PACRG: variants seen among roughly 807,000 people sequenced by gnomAD.
PACRG encodes the protein parkin coregulated, also known as parkin coregulated gene protein.
In PACRG, 29 loss-of-function variants were observed where a neutral mutation model predicts 29.7. The ratio of observed to expected loss-of-function variants is 0.98; its 90% confidence interval spans 0.73 to 1.33. The LOEUF (loss-of-function observed/expected upper bound fraction) is 1.33, where lower values mean the gene tolerates loss of function less well. PACRG is among the 40% of genes most tolerant of loss of function. The probability of loss-of-function intolerance (pLI) is 0.00; values close to 1 mark genes in which losing one functional copy is unlikely to be tolerated. For synonymous variants in PACRG, 116 were observed against 118.7 expected (o/e 0.98, Z 0.15); for missense variants, 279 against 316.2 (o/e 0.88, Z 0.89).
At position 162,876,297 on chromosome 6, in the gene PACRG, C is replaced by T. The variant is rs139215060; in HGVS notation, c.291+62016C>T. On this transcript the variant is annotated intron_variant, in intron 2 of 4. Coordinates refer to ENST00000366888, the MANE Select transcript of PACRG (RefSeq NM_001080379.2). ...AAGGGAGGCCAAGGCCACAAGATTC[C>T]ACTGGAAACCATCACTCTCTTCCTG... Among the ~76,000 whole-genome samples the T allele has an allele frequency of 2.9e-4, 44 of 152,334 alleles. 3 individuals carry two copies. In the South Asian group the frequency reaches 4.3e-3, roughly 15 times the overall value.
chr6:162,764,544 C>G (rs1782631679), intron 1 of PACRG, among the ~76,000 whole-genome samples: 1 of 151,898 alleles, frequency 6.6e-6, no homozygotes, highest in Admixed American at 6.6e-5. Flanking sequence ...CTTAAATTAC[C>G]CATGTCCATA....
chr6:162,866,504 G>A (rs79036214), intron 2 of PACRG, among the ~76,000 whole-genome samples: 1 of 152,098 alleles, frequency 6.6e-6, no homozygotes, highest in Non-Finnish European at 1.5e-5. Flanking sequence ...GAGCCATAGA[G>A]CTCGCTCTTT....
At chr6:163,030,527 C>G (rs1807561255) in intron 2 of PACRG, among the ~76,000 whole-genome samples, 1 of 152,138 alleles carries the variant, frequency 6.6e-6, no homozygotes, top group South Asian at 2.1e-4. Flanking sequence ...AAGGGGTCCC[C>G]TTCCAGACCC....
intron 2 of PACRG, among the ~76,000 whole-genome samples, chr6:162,893,217 C>T (rs974926103): frequency 6.6e-6 from 1 of 152,194 alleles, no homozygotes; most frequent in Admixed American, 6.5e-5. Flanking sequence ...ACTGCTGGCT[C>T]TCACATCGTC....
chr6:163,122,105 G>A (rs1014829727), intron 4 of PACRG, among the ~76,000 whole-genome samples: 1 of 152,052 alleles, frequency 6.6e-6, no homozygotes, highest in Non-Finnish European at 1.5e-5. Flanking sequence ...TACCTACTAT[G>A]GGCATTGAAA....
chr6:163,203,176 G>A (rs1401860122), intron 4 of PACRG, among the ~76,000 whole-genome samples: 1 of 152,144 alleles, frequency 6.6e-6, no homozygotes, highest in Non-Finnish European at 1.5e-5. Context: ...ACTTTGAGAG[G>A]TTGAGGCAGG....
At chr6:163,210,100 C>T (rs1781073488) in intron 4 of PACRG, among the ~76,000 whole-genome samples, 1 of 152,158 alleles carries the variant, frequency 6.6e-6, no homozygotes, top group African/African-American at 2.4e-5. Context: ...AGAGTCACGG[C>T]CTACGCTTCC....
chr6:162,887,490 G>C (rs1364069964), intron 2 of PACRG, among the ~76,000 whole-genome samples: 1 of 152,134 alleles, frequency 6.6e-6, no homozygotes, highest in Admixed American at 6.5e-5. Flanking sequence ...AGATGTTTTG[G>C]TATCGTATTG....
chr6:163,107,329 G>A (rs73786967), intron 4 of PACRG, among the ~76,000 whole-genome samples: 3,657 of 152,110 alleles, frequency 0.024, 160 homozygotes, highest in African/African-American at 0.083. Context: ...TGAAAATAAA[G>A]GCCACAAACT....
At chr6:162,921,357 C>T (rs1437753420) in intron 2 of PACRG, among the ~76,000 whole-genome samples, 1 of 152,164 alleles carries the variant, frequency 6.6e-6, no homozygotes, top group African/African-American at 2.4e-5. Flanking sequence ...TATCTGTGGT[C>T]AGTGTAAGAA....
At chr6:163,021,801 C>T (rs1806649561) in intron 2 of PACRG, among the ~76,000 whole-genome samples, 1 of 152,180 alleles carries the variant, frequency 6.6e-6, no homozygotes, top group South Asian at 2.1e-4. Context: ...CTGCCTTTGC[C>T]TGGGATGCCC....
rs1345807172 is a variant in PACRG at position 162,728,301 on chromosome 6, G to C, written c.66G>C (p.Lys22Asn). 2.5e-6 allele frequency: 4 copies of C among 1,613,918 alleles called. No individual in the cohort carries two copies. Among genetic ancestry groups the C allele is most frequent in the Non-Finnish European group, 3.4e-6 (4 of 1,180,040 alleles). ...CAGACAAGATGCCGAAGAGGACCAA[G>C]CTGCTGGCACAACAGCCGCTCCCGG... ...KCPDKMPKRT[K>N]LLAQQPLPVH... The change falls in exon 1 of 5, where the codon AAG becomes AAC. Residue 22 changes from lysine (K) to asparagine (N), a missense_variant. Physicochemically the swap from Lys to Asn is moderately conservative, Grantham distance 94. Transcript: ENST00000366888.
intron 4 of PACRG, among the ~76,000 whole-genome samples, chr6:163,290,236 CTTAA>C (rs1585403685): frequency 6.6e-6 from 1 of 151,728 alleles, no homozygotes; most frequent in Non-Finnish European, 1.5e-5. Flanking sequence ...TCCAAATTCA[CTTAA>C]TTATCATACG....
At position 163,168,215 on chromosome 6, in the gene PACRG, G is replaced by A. The variant is rs6917448; in HGVS notation, c.613+78807G>A. On this transcript the variant is annotated intron_variant, in intron 4 of 4. Transcript: ENST00000366888. ...CATTTGGCCGGGTGTGGTGGCTCAT[G>A]CCTGTAATCCTAGCACTTTGGGAGG... 8.1e-3 allele frequency among the ~76,000 whole-genome samples: 1,237 copies of A among 152,304 alleles called. 15 individuals carry two copies. The highest frequency in any genetic ancestry group is 0.029 in the African/African-American group (1,197 of 41,558).
intron 2 of PACRG, among the ~76,000 whole-genome samples, chr6:163,020,399 A>T (rs2128219860): frequency 6.6e-6 from 1 of 152,210 alleles, no homozygotes; most frequent in South Asian, 2.1e-4. Flanking sequence ...ATTCTTTGCC[A>T]CCCTCATAAA....
At chr6:163,095,795 TAAC>T (rs2128308186) in intron 4 of PACRG, among the ~76,000 whole-genome samples, 1 of 152,328 alleles carries the variant, frequency 6.6e-6, no homozygotes, top group South Asian at 2.1e-4. Context: ...TACTTTATCT[TAAC>T]TACTTTCATT....
At chr6:162,799,434 C>T (rs1379874505) in intron 1 of PACRG, among the ~76,000 whole-genome samples, 1 of 152,042 alleles carries the variant, frequency 6.6e-6, no homozygotes, top group East Asian at 1.9e-4. Flanking sequence ...TCTAGTGTTT[C>T]TTATTAAATT....
chr6:162,929,239 G>A (rs1032104917), intron 2 of PACRG, among the ~76,000 whole-genome samples: 9 of 151,860 alleles, frequency 5.9e-5, no homozygotes, highest in Non-Finnish European at 2.9e-5. Flanking sequence ...CCCCAACAGT[G>A]TAAAGAGTTC....
At chr6:162,873,912 A>T (rs544827256) in intron 2 of PACRG, among the ~76,000 whole-genome samples, 11 of 152,182 alleles carry the variant, frequency 7.2e-5, no homozygotes, top group Non-Finnish European at 1.3e-4. Flanking sequence ...TCACTCTTAG[A>T]TTCCTTGTAA....
Sources: allele counts gnomAD v4.1 joint callset (sites outside exome capture counted in the v4.1 genomes callset), GRCh38; gene constraint gnomAD v4.1.1; transcripts MANE v1.5; gene names NCBI Gene and HGNC (gene_info 2026-07-23, HGNC 2026-07-21).